Variants in RBFOX1 observed in about 807,000 individuals in gnomAD.
RBFOX1 encodes the protein RNA binding fox-1 homolog 1, also known as RNA binding protein fox-1 homolog 1.
RBFOX1 carries 8 observed loss-of-function variants against 57.7 expected under a neutral mutation model. That is an observed-to-expected ratio of 0.14 (90% CI 0.08 to 0.25). The LOEUF is 0.25. RBFOX1 is among the 10% of genes least tolerant of loss of function. RBFOX1 has a pLI of 1.00. For missense variants in RBFOX1, 611 were observed against 548.5 expected, an observed-to-expected ratio of 1.11 and a Z score of -1.14; for synonymous variants, 326 against 222.4, an observed-to-expected ratio of 1.47 and a Z score of -4.15.
chr16:6,366,484 A>G (rs2089640643), intron 2 of RBFOX1, among the ~76,000 whole-genome samples: 2 of 152,190 alleles, frequency 1.3e-5, no homozygotes, highest in Non-Finnish European at 2.9e-5. Flanking sequence ...GCCAAAATAT[A>G]AGGAGGTAAG....
intron 4 of RBFOX1, among the ~76,000 whole-genome samples, chr16:7,359,387 C>A (rs2097276766): frequency 6.9e-6 from 1 of 144,246 alleles, no homozygotes; most frequent in African/African-American, 2.8e-5. Context: ...TATATGTGTG[C>A]CTCTGTGTGT....
chr16:6,250,286 A>G (rs1235314084), intron 1 of RBFOX1, among the ~76,000 whole-genome samples: 2 of 152,110 alleles, frequency 1.3e-5, no homozygotes, highest in Admixed American at 1.3e-4. Context: ...TGTTTAATGG[A>G]TGAAATATGC....
At chr16:6,425,938 C>T (rs1017726171) in intron 2 of RBFOX1, among the ~76,000 whole-genome samples, 1 of 152,122 alleles carries the variant, frequency 6.6e-6, no homozygotes, top group African/African-American at 2.4e-5. Context: ...GCCTATTAAG[C>T]AACCCCTCCC....
rs77087144 is a variant in RBFOX1 at position 6,457,444 on chromosome 16, C to CCCCG, written c.-64+140390_-64+140391insGCCC. ...GACTGTGAATTTCCGGAAGTCCCCC[C>CCCCG]CCCCGCAATAGCTTTGATTTGACAT... On this transcript the variant is annotated intron_variant, in intron 2 of 15. Transcript: ENST00000550418. 2.7e-4 allele frequency among the ~76,000 whole-genome samples: 36 copies of CCCCG among 132,934 alleles called. 2 individuals carry two copies. The highest frequency in any genetic ancestry group is 3.9e-4 in the Non-Finnish European group (23 of 58,948). 87.2% of individuals were successfully genotyped at this position (132,934 alleles called of 152,430 possible). A position where few individuals can be genotyped will look rare whatever the true frequency, so the allele number is the denominator to read the frequency against.
intron 1 of RBFOX1, among the ~76,000 whole-genome samples, chr16:6,196,013 G>A (rs2097177734): frequency 6.6e-6 from 1 of 152,194 alleles, no homozygotes; most frequent in Non-Finnish European, 1.5e-5. Context: ...AGGAGTACTT[G>A]TAATATTCAT....
At chr16:6,264,730 G>A (rs2097722640) in intron 1 of RBFOX1, among the ~76,000 whole-genome samples, 1 of 152,320 alleles carries the variant, frequency 6.6e-6, no homozygotes, top group African/African-American at 2.4e-5. Context: ...CTAAGTGCCA[G>A]GCAGGTGCTC....
At chr16:6,334,373 T>A (rs1267264687) in intron 2 of RBFOX1, among the ~76,000 whole-genome samples, 1 of 151,926 alleles carries the variant, frequency 6.6e-6, no homozygotes, top group Non-Finnish European at 1.5e-5. Flanking sequence ...CCAGGCATGT[T>A]GGTGTGCGCC....
At chr16:5,954,164 C>G (rs11866543) in intron 4 of RBFOX1, among the ~76,000 whole-genome samples, 44,470 of 152,058 alleles carry the variant, frequency 0.29, 6,645 homozygotes, top group Middle Eastern at 0.49. Flanking sequence ...GTGTTTGCCT[C>G]AGTGTTTGTG....
At chr16:7,279,366 G>A (rs958795039) in intron 4 of RBFOX1, among the ~76,000 whole-genome samples, 1 of 152,134 alleles carries the variant, frequency 6.6e-6, no homozygotes, top group African/African-American at 2.4e-5. Context: ...TTCACCAGGT[G>A]GTCTCTTTGG....
At chr16:6,068,398 C>G (rs113088665) in intron 1 of RBFOX1, among the ~76,000 whole-genome samples, 17,183 of 152,200 alleles carry the variant, frequency 0.11, 1,052 homozygotes, top group East Asian at 0.27. Flanking sequence ...TATACAAAGG[C>G]TGGAGTGTAT....
At chr16:6,860,198 T>A (rs1047478045) in intron 3 of RBFOX1, among the ~76,000 whole-genome samples, 3 of 152,216 alleles carry the variant, frequency 2.0e-5, no homozygotes, top group African/African-American at 7.2e-5. Flanking sequence ...CGGAAATGAA[T>A]TCATTCAACA....
intron 3 of RBFOX1, among the ~76,000 whole-genome samples, chr16:5,714,286 A>G (rs1168468211): frequency 6.6e-6 from 1 of 152,202 alleles, no homozygotes; most frequent in Non-Finnish European, 1.5e-5. Context: ...AGAAATGATA[A>G]TGTTCTGATT....
At chr16:6,654,558 C>G (rs1372693742) in intron 2 of RBFOX1, 45 bp from the exon 3 acceptor site, 7 of 1,434,238 alleles carry the variant, frequency 4.9e-6, no homozygotes, top group South Asian at 1.3e-5. Context: ...ATAAGTCTGA[C>G]TCCTGTTCTT....
intron 1 of RBFOX1, among the ~76,000 whole-genome samples, chr16:5,275,091 G>C (rs1470827391): frequency 6.6e-6 from 1 of 152,226 alleles, no homozygotes; most frequent in Non-Finnish European, 1.5e-5. Flanking sequence ...CAATCCGCCT[G>C]TCAAGTCCTC....
At chr16:5,660,724 A>T (rs185044363) in intron 3 of RBFOX1, among the ~76,000 whole-genome samples, 6 of 152,268 alleles carry the variant, frequency 3.9e-5, no homozygotes, top group Non-Finnish European at 7.3e-5. Flanking sequence ...AAGCTAACAG[A>T]TCCATAAATT....
intron 4 of RBFOX1, among the ~76,000 whole-genome samples, chr16:7,078,147 T>G (rs1567175766): frequency 6.6e-6 from 1 of 152,182 alleles, no homozygotes; most frequent in Non-Finnish European, 1.5e-5. Context: ...TTTCTCATCT[T>G]TAGTCTCTGG....
At chr16:6,766,192 C>T (rs2077301940) in intron 3 of RBFOX1, among the ~76,000 whole-genome samples, 3 of 151,898 alleles carry the variant, frequency 2.0e-5, no homozygotes, top group Non-Finnish European at 4.4e-5. Flanking sequence ...AAAAAAAAGA[C>T]ATGAATAAGA....
intron 4 of RBFOX1, among the ~76,000 whole-genome samples, chr16:7,321,263 GCCT>G (rs1216490600): frequency 2.6e-5 from 4 of 152,020 alleles, no homozygotes; most frequent in African/African-American, 9.7e-5. Context: ...TCCTGCATCA[GCCT>G]CCTAAGTAGC....
At chr16:6,381,156 C>T (rs773127755) in intron 2 of RBFOX1, among the ~76,000 whole-genome samples, 1 of 152,056 alleles carries the variant, frequency 6.6e-6, no homozygotes, top group Non-Finnish European at 1.5e-5. Context: ...GGAATAGATC[C>T]TAGAGACATT....
Sources: gnomAD v4.1 joint callset for allele counts (sites outside exome capture counted in the v4.1 genomes callset) on GRCh38, gnomAD v4.1.1 for gene constraint, MANE v1.5 for transcripts, NCBI Gene and HGNC (gene_info 2026-07-23, HGNC 2026-07-21) for gene names.